PRR16: variants seen among roughly 807,000 people sequenced by gnomAD.
The protein encoded by PRR16 is protein Largen.
Under a neutral mutation model 18.2 loss-of-function variants are expected in PRR16, and 6 were observed. That is an observed-to-expected ratio of 0.33 (90% CI 0.18 to 0.65). The LOEUF is 0.65. PRR16 is among the 30% of genes least tolerant of loss of function. The pLI is 0.74. For missense variants in PRR16, 412 were observed against 376.6 expected, an observed-to-expected ratio of 1.09 and a Z score of -0.78; for synonymous variants, 151 against 147.8, an observed-to-expected ratio of 1.02 and a Z score of -0.16.
chr5:120,738,499 A>G, the PRR16 span, among the ~76,000 whole-genome samples: 6 of 152,016 alleles, frequency 3.9e-5, no homozygotes, highest in Non-Finnish European at 7.4e-5. Flanking sequence ...ACCCCCTTCC[A>G]CTTTGTTCAT....
intron 1 of PRR16, among the ~76,000 whole-genome samples, chr5:120,633,307 A>G (rs939108433): frequency 5.9e-5 from 9 of 152,160 alleles, no homozygotes; most frequent in African/African-American, 1.9e-4. Context: ...CAATAACACA[A>G]TGAAAAAGAA....
intron 1 of PRR16, among the ~76,000 whole-genome samples, chr5:120,498,636 GT>G (rs58898281): frequency 0.027 from 4,010 of 147,406 alleles, 61 homozygotes; most frequent in South Asian, 0.037. Flanking sequence ...TTCGAAGGCT[GT>G]TTTTTTTTTC....
At chr5:120,666,627 T>C (rs1291400903) in intron 1 of PRR16, among the ~76,000 whole-genome samples, 105 of 152,148 alleles carry the variant, frequency 6.9e-4, no homozygotes, top group African/African-American at 2.5e-3. Context: ...TTTTGAGCTA[T>C]GTCCCATCAA....
the PRR16 span, among the ~76,000 whole-genome samples, chr5:120,692,741 G>A: frequency 6.6e-6 from 1 of 152,036 alleles, no homozygotes; most frequent in East Asian, 1.9e-4. Flanking sequence ...CATAAACTAG[G>A]ATGCCATTTT....
chr5:120,542,447 C>T (rs1751945733), intron 1 of PRR16, among the ~76,000 whole-genome samples: 3 of 151,714 alleles, frequency 2.0e-5, no homozygotes, highest in Admixed American at 2.0e-4. Flanking sequence ...ACATGATACA[C>T]TTGTCAGAAA....
chr5:120,547,587 A>G (rs1369828078), intron 1 of PRR16, among the ~76,000 whole-genome samples: 4 of 151,760 alleles, frequency 2.6e-5, no homozygotes, highest in Admixed American at 2.6e-4. Context: ...AGTAGCTACT[A>G]TCTTTTGGCA....
chr5:120,564,883 G>T (rs980227248), intron 1 of PRR16, among the ~76,000 whole-genome samples: 1 of 151,962 alleles, frequency 6.6e-6, no homozygotes, highest in Non-Finnish European at 1.5e-5. Flanking sequence ...CTACTCGGGA[G>T]GCTGAGGCAG....
chr5:120,497,067 ACT>A (rs1750270565), intron 1 of PRR16, among the ~76,000 whole-genome samples: 1 of 152,012 alleles, frequency 6.6e-6, no homozygotes, highest in African/African-American at 2.4e-5. Flanking sequence ...AAGAGAACAG[ACT>A]CTGTTATGAT....
the PRR16 span, among the ~76,000 whole-genome samples, chr5:120,773,671 CCAGACTAT>C: frequency 1.3e-5 from 2 of 151,828 alleles, no homozygotes; most frequent in South Asian, 4.1e-4. Flanking sequence ...TATCTCTCTG[CCAGACTAT>C]CAGAATCATG....
the PRR16 span, among the ~76,000 whole-genome samples, chr5:120,756,484 C>T: frequency 6.6e-6 from 1 of 152,016 alleles, no homozygotes; most frequent in Non-Finnish European, 1.5e-5. Context: ...TTTTAATAGC[C>T]ATTCTGACTG....
downstream of PRR16, among the ~76,000 whole-genome samples, chr5:120,688,207 G>T (rs1029524504): frequency 6.6e-6 from 1 of 152,082 alleles, no homozygotes; most frequent in African/African-American, 2.4e-5. Flanking sequence ...TATTAAAAAT[G>T]ATTATATATT....
chr5:120,638,692 A>C (rs1755325934), intron 1 of PRR16, among the ~76,000 whole-genome samples: 1 of 152,086 alleles, frequency 6.6e-6, no homozygotes, highest in South Asian at 2.1e-4. Flanking sequence ...AGATTCACGC[A>C]CAGGCAAACA....
intron 1 of PRR16, among the ~76,000 whole-genome samples, chr5:120,482,125 A>T (rs963415006): frequency 2.6e-5 from 4 of 152,180 alleles, no homozygotes; most frequent in Non-Finnish European, 4.4e-5. Flanking sequence ...TTTCTTTTTT[A>T]AAAAAATAAT....
intron 1 of PRR16, among the ~76,000 whole-genome samples, chr5:120,535,774 G>A (rs959150253): frequency 9.3e-5 from 14 of 151,312 alleles, no homozygotes; most frequent in African/African-American, 2.9e-4. Context: ...TACTCAGCCC[G>A]AGTGACAGAG....
chr5:120,660,864 C>G (rs1474044959), intron 1 of PRR16, among the ~76,000 whole-genome samples: 1 of 151,958 alleles, frequency 6.6e-6, no homozygotes, highest in African/African-American at 2.4e-5. Context: ...ATTTGAAATT[C>G]TTTTCTATGT....
chr5:120,646,662 T>A (rs186946793), intron 1 of PRR16, among the ~76,000 whole-genome samples: 1 of 152,076 alleles, frequency 6.6e-6, no homozygotes, highest in East Asian at 1.9e-4. Flanking sequence ...ATATGTTAGA[T>A]ATATTATAAG....
At chr5:120,498,313 A>T (rs898752596) in intron 1 of PRR16, among the ~76,000 whole-genome samples, 3 of 148,930 alleles carry the variant, frequency 2.0e-5, no homozygotes, top group Non-Finnish European at 3.0e-5. Context: ...TACCTATGTT[A>T]TATATATACA....
chr5:120,480,071 C>G (rs1749560903), intron 1 of PRR16, among the ~76,000 whole-genome samples: 1 of 152,090 alleles, frequency 6.6e-6, no homozygotes, highest in Admixed American at 6.6e-5. Context: ...AAACCTTATT[C>G]ATAACAGGCT....
intron 1 of PRR16, among the ~76,000 whole-genome samples, chr5:120,641,147 G>A (rs1164989869): frequency 6.6e-6 from 1 of 152,148 alleles, no homozygotes; most frequent in Non-Finnish European, 1.5e-5. Context: ...AAATTGTGCT[G>A]AGGCAATAGC....
Sources: gnomAD v4.1 joint callset for allele counts (sites outside exome capture counted in the v4.1 genomes callset) on GRCh38, gnomAD v4.1.1 for gene constraint, MANE v1.5 for transcripts, NCBI Gene and HGNC (gene_info 2026-07-23, HGNC 2026-07-21) for gene names.